The following KCNH7 variants were observed in gnomAD, a reference collection of about 807,000 sequenced individuals.
KCNH7 encodes potassium voltage-gated channel subfamily H member 7.
In KCNH7, 49 loss-of-function variants were observed where a neutral mutation model predicts 120.8. That is an observed-to-expected ratio of 0.41 (90% CI 0.32 to 0.51). The LOEUF (loss-of-function observed/expected upper bound fraction) is 0.51, where lower values mean the gene tolerates loss of function less well. Among genes scored for constraint, KCNH7 ranks in the 20% least tolerant of loss-of-function variants. KCNH7 has a pLI of 0.38. For synonymous variants in KCNH7, 547 were observed against 516.1 expected, an observed-to-expected ratio of 1.06 and a Z score of -0.81; for missense variants, 1,097 against 1,446.6, an observed-to-expected ratio of 0.76 and a Z score of 3.92.
At chr2:162,699,971 T>C (rs1330415651) in intron 2 of KCNH7, among the ~76,000 whole-genome samples, 1 of 151,882 alleles carries the variant, frequency 6.6e-6, no homozygotes, top group Non-Finnish European at 1.5e-5. Context: ...AAGAGAAAAA[T>C]TACTTTTTTT....
chr2:162,440,022 C>G (rs1688371087), intron 7 of KCNH7, among the ~76,000 whole-genome samples: 1 of 151,500 alleles, frequency 6.6e-6, no homozygotes, highest in Admixed American at 6.6e-5. Flanking sequence ...CAGTATTAAA[C>G]AACTCTCTAC....
At chr2:162,763,135 T>A (rs1262464829) in intron 2 of KCNH7, among the ~76,000 whole-genome samples, 1 of 152,126 alleles carries the variant, frequency 6.6e-6, no homozygotes, top group Admixed American at 6.6e-5. Flanking sequence ...CTGACTAATT[T>A]CTTGAAATTT....
chr2:162,633,923 G>A (rs1374832785), intron 2 of KCNH7, among the ~76,000 whole-genome samples: 1 of 151,972 alleles, frequency 6.6e-6, no homozygotes, highest in African/African-American at 2.4e-5. Flanking sequence ...GCATGCCTTT[G>A]CATTAACTGA....
chr2:162,504,478 C>T lies in KCNH7; in HGVS notation c.1093G>A (p.Asp365Asn), dbSNP rs1690796338. ...TTCTCAGTCACATTGTGTGTTCGAT[C>T]TTTAACCTTGGGTGCAATAATGGTT... is the stretch of plus-strand genomic sequence containing the variant. ...DKTIIAPKVK[D>N]RTHNVTEKVT... is the part of the protein sequence containing the mutation. Residue 365 changes from aspartate (D) to asparagine (N), a missense_variant, in exon 6 of 16, where the codon GAT becomes AAT. Around this residue, in one of 8 missense-constraint regions of KCNH7, gnomAD observed 362 missense variants for 372.2 expected, o/e 0.97. Transcript: ENST00000332142. The T allele has an allele frequency of 1.2e-6, 2 of 1,612,998 alleles. No individual in the cohort carries two copies. The highest frequency in any genetic ancestry group is 1.7e-6 in the Non-Finnish European group (2 of 1,179,296).
intron 9 of KCNH7, among the ~76,000 whole-genome samples, chr2:162,420,730 A>G (rs1687676288): frequency 6.6e-6 from 1 of 152,220 alleles, no homozygotes; most frequent in Non-Finnish European, 1.5e-5. Flanking sequence ...ATGGTTGAAC[A>G]GTGAAAATGA....
intron 2 of KCNH7, among the ~76,000 whole-genome samples, chr2:162,790,723 G>A (rs1227931522): frequency 2.0e-5 from 3 of 151,780 alleles, no homozygotes; most frequent in African/African-American, 7.3e-5. Context: ...CAGAATGAAG[G>A]ATAAAAATCA....
At chr2:162,518,970 CT>C (rs1691422395) in intron 3 of KCNH7, among the ~76,000 whole-genome samples, 1 of 151,290 alleles carries the variant, frequency 6.6e-6, no homozygotes, top group Admixed American at 6.6e-5. Flanking sequence ...AAATATTAAA[CT>C]TTAATTGTTA....
intron 2 of KCNH7, among the ~76,000 whole-genome samples, chr2:162,741,214 C>CAT (rs10694246): frequency 0.27 from 37,851 of 138,358 alleles, 9,229 homozygotes; most frequent in African/African-American, 0.66. Flanking sequence ...ATATTAATAA[C>CAT]ATGTTATTAG....
intron 2 of KCNH7, among the ~76,000 whole-genome samples, chr2:162,703,840 G>C (rs1686601145): frequency 6.6e-6 from 1 of 152,094 alleles, no homozygotes; most frequent in Non-Finnish European, 1.5e-5. Flanking sequence ...AGATCTTCTA[G>C]CACTTCTGAG....
At chr2:162,452,805 A>G (rs1169040559) in intron 6 of KCNH7, among the ~76,000 whole-genome samples, 3 of 152,108 alleles carry the variant, frequency 2.0e-5, no homozygotes, top group Non-Finnish European at 4.4e-5. Context: ...CATTTTTCTC[A>G]GAAAACTGCC....
intron 2 of KCNH7, chr2:162,797,230 C>T (rs540277608): frequency 6.6e-6 from 1 of 152,186 alleles, no homozygotes; most frequent in East Asian, 1.9e-4. Context: ...GATGCTCTGT[C>T]AAGCCAACAA....
chr2:162,814,418 A>G (rs1483208194), intron 2 of KCNH7, among the ~76,000 whole-genome samples: 1 of 152,190 alleles, frequency 6.6e-6, no homozygotes, highest in African/African-American at 2.4e-5. Flanking sequence ...TAGTTACTTC[A>G]TCAATGAGAC....
At chr2:162,461,907 C>A (rs1178747189) in intron 6 of KCNH7, among the ~76,000 whole-genome samples, 1 of 152,094 alleles carries the variant, frequency 6.6e-6, no homozygotes, top group Non-Finnish European at 1.5e-5. Flanking sequence ...ACAGAGATTG[C>A]ATGACTTTCT....
intron 6 of KCNH7, among the ~76,000 whole-genome samples, chr2:162,461,614 G>C (rs1689147842): frequency 6.6e-6 from 1 of 152,204 alleles, no homozygotes; most frequent in Non-Finnish European, 1.5e-5. Context: ...AAAGACAGAT[G>C]GTTAGGCCAG....
intron 7 of KCNH7, among the ~76,000 whole-genome samples, chr2:162,439,697 T>C (rs535384982): frequency 2.4e-4 from 37 of 152,234 alleles, no homozygotes; most frequent in African/African-American, 8.7e-4. Context: ...GGCTGATTAA[T>C]ATCATTCAAT....
chr2:162,530,608 T>A lies in KCNH7; in HGVS notation c.463+6317A>T, dbSNP rs945855105. ...TTTGTAACCATATTTTTATTTCAGA[T>A]CATTTCAAGTGATACAAAAGCTGGT... On this transcript the variant is annotated intron_variant, in intron 3 of 15. Transcript: ENST00000332142. Among the ~76,000 whole-genome samples the A allele has an allele frequency of 4.6e-5, 7 of 152,154 alleles. 1 individual carries two copies. The highest frequency in any genetic ancestry group is 3.4e-3 in the Middle Eastern group (1 of 294).
intron 2 of KCNH7, among the ~76,000 whole-genome samples, chr2:162,800,369 G>C (rs987035674): frequency 2.0e-5 from 3 of 151,538 alleles, no homozygotes; most frequent in Admixed American, 2.0e-4. Context: ...GGATTTGCCA[G>C]GTCTTTTTAC....
chr2:162,581,478 G>C (rs924490433), intron 2 of KCNH7, among the ~76,000 whole-genome samples: 1 of 152,002 alleles, frequency 6.6e-6, no homozygotes, highest in African/African-American at 2.4e-5. Flanking sequence ...AGGTATTTGG[G>C]GCACATTCGT....
intron 2 of KCNH7, among the ~76,000 whole-genome samples, chr2:162,554,196 CTTG>C (rs1231088949): frequency 6.6e-6 from 1 of 152,160 alleles, no homozygotes; most frequent in Non-Finnish European, 1.5e-5. Context: ...CTGTGAATTA[CTTG>C]TTTGGTAAAA....
Sources: allele counts gnomAD v4.1 joint callset (sites outside exome capture counted in the v4.1 genomes callset), GRCh38; gene constraint gnomAD v4.1.1; regional missense constraint gnomAD v4.1.1; transcripts MANE v1.5; gene names NCBI Gene and HGNC (gene_info 2026-07-23, HGNC 2026-07-21).